The following ADGRV1 variants were observed in gnomAD, a reference collection of about 807,000 sequenced individuals.
The protein encoded by ADGRV1 is G-protein coupled receptor 98.
A neutral mutation model predicts 596.2 loss-of-function variants in ADGRV1; 359 were observed. The observed-to-expected ratio is 0.60, with a 90% CI of 0.55 to 0.66. ADGRV1 has a LOEUF of 0.66. ADGRV1 is among the 30% of genes least tolerant of loss of function. The pLI is 0.00. For synonymous variants in ADGRV1, 2,681 were observed against 2,679.2 expected, an observed-to-expected ratio of 1.00 and a Z score of -0.02; for missense variants, 7,274 against 7,575.6, an observed-to-expected ratio of 0.96 and a Z score of 1.48.
At chr5:91,087,696 G>A (rs1382984350) in intron 86 of ADGRV1, among the ~76,000 whole-genome samples, 1 of 152,118 alleles carries the variant, frequency 6.6e-6, no homozygotes, top group Non-Finnish European at 1.5e-5. Flanking sequence ...AGTTTATCTG[G>A]AACTGTTCGA....
intron 82 of ADGRV1, among the ~76,000 whole-genome samples, chr5:90,861,142 G>A (rs1319539849): frequency 1.3e-5 from 2 of 151,772 alleles, no homozygotes; most frequent in African/African-American, 4.8e-5. Context: ...AATCCACATA[G>A]TGGTAGGAAA....
At chr5:90,667,406 C>T (rs530522448) in intron 21 of ADGRV1, among the ~76,000 whole-genome samples, 47 of 147,514 alleles carry the variant, frequency 3.2e-4, no homozygotes, top group African/African-American at 1.1e-3. Context: ...ATTGCATCAG[C>T]TCCTGAGGCT....
intron 83 of ADGRV1, among the ~76,000 whole-genome samples, chr5:90,961,222 C>A (rs780768967): frequency 2.0e-5 from 3 of 151,994 alleles, no homozygotes; most frequent in Admixed American, 2.0e-4. Context: ...TAGTTTTGGC[C>A]GCGCGCAGCG....
chr5:90,802,334 G>T (rs1390387879), intron 70 of ADGRV1, among the ~76,000 whole-genome samples: 2 of 152,142 alleles, frequency 1.3e-5, no homozygotes, highest in African/African-American at 4.8e-5. Flanking sequence ...TCCTGCCTCA[G>T]CCTCCCAAGT....
At chr5:90,651,054 C>T (rs975412411) in intron 17 of ADGRV1, among the ~76,000 whole-genome samples, 8 of 152,084 alleles carry the variant, frequency 5.3e-5, no homozygotes. Context: ...GGAATCAAGC[C>T]CAAACCATGG....
chr5:91,038,650 C>T (rs1301849136), intron 85 of ADGRV1, among the ~76,000 whole-genome samples: 2 of 152,160 alleles, frequency 1.3e-5, no homozygotes, highest in Non-Finnish European at 2.9e-5. Context: ...AATTAACTAG[C>T]CTCTTGGGGA....
intron 14 of ADGRV1, among the ~76,000 whole-genome samples, chr5:90,644,261 G>T (rs1393721229): frequency 1.3e-5 from 2 of 152,160 alleles, no homozygotes; most frequent in Non-Finnish European, 2.9e-5. Flanking sequence ...CAAATAGCGA[G>T]AACCTTAAAA....
intron 29 of ADGRV1, among the ~76,000 whole-genome samples, chr5:90,687,407 T>A (rs548986887): frequency 1.1e-3 from 170 of 152,276 alleles, no homozygotes; most frequent in African/African-American, 3.4e-3. Context: ...AAGGAAGGGA[T>A]CCAGTTTCAG....
In ADGRV1 at chr5:90,755,087, A is replaced by G. The variant is rs1207388118; in HGVS notation, c.11482A>G (p.Asn3828Asp). ...AQPNFLLHVD[N>D]QATENEDYVL... ...ACCCAATTTCTTACTGCATGTCGAT[A>G]ATCAAGCTACTGAGAATGAAGATTA... The change falls in exon 55 of 90, where the codon AAT becomes GAT. Residue 3828 changes from asparagine (N) to aspartate (D), a missense_variant. Asn to Asp is a conservative substitution (Grantham distance 23). Around this residue, in one of 5 missense-constraint regions of ADGRV1, gnomAD observed 3,643 missense variants for 3,809.2 expected, o/e 0.96. Transcript: ENST00000405460. 9.3e-6 allele frequency: 15 copies of G among 1,610,462 alleles called. No individual in the cohort carries two copies. The highest frequency in any genetic ancestry group is 1.3e-5 in the Non-Finnish European group (15 of 1,176,786).
intron 87 of ADGRV1, among the ~76,000 whole-genome samples, chr5:91,108,314 C>T (rs554949415): frequency 3.3e-5 from 5 of 152,104 alleles, no homozygotes; most frequent in African/African-American, 7.2e-5. Context: ...TTTTACCCCC[C>T]GAATGGCTTT....
rs60957930 is a variant in ADGRV1 at position 91,104,860 on chromosome 5, CTT to C, written c.18432+2536_18432+2537del. Among the ~76,000 whole-genome samples, 72 of 125,980 alleles carry C rather than the reference CTT, an allele frequency of 5.7e-4. 1 individual carries two copies. The highest frequency in any genetic ancestry group is 1.8e-4 in the Non-Finnish European group (11 of 61,958). The allele number at this position is 125,980 out of a possible 152,430, so 82.6% of individuals were successfully genotyped here. A position where few individuals can be genotyped will look rare whatever the true frequency, so the allele number is the denominator to read the frequency against. On this transcript the variant is annotated intron_variant, in intron 87 of 89. Transcript: ENST00000405460. ...CCTTTTCTTTTCTTTCTTTTCTTTT[CTT>C]TTTTTTTTTTTTTTTGAGACAGAGT... is the stretch of plus-strand genomic sequence containing the variant.
rs1306117578 is a variant in ADGRV1 at position 90,750,713 on chromosome 5, A to G, written c.11121+16A>G. Reference sequence around the variant, plus strand: ...CTCAGGAGTGGTATGTAATTTACAAAGTTATAGGAAACACTTTTAAATTAT... The same window carrying G: ...CTCAGGAGTGGTATGTAATTTACAAGGTTATAGGAAACACTTTTAAATTAT... On this transcript the variant is annotated intron_variant, in intron 53 of 89. Transcript: ENST00000405460. 1.4e-5 allele frequency: 23 copies of G among 1,599,722 alleles called. No individual in the cohort carries two copies. Among genetic ancestry groups the G allele is most frequent in the Non-Finnish European group, 1.9e-5 (22 of 1,168,358 alleles).
At position 90,917,458 on chromosome 5, in the gene ADGRV1, T is replaced by C. The variant is rs139150631; in HGVS notation, c.17857-47957T>C. Reference sequence around the variant, plus strand: ...TCAAGAATGGATAAAAATTAACTACTACAGCTTGTGCCAACCATGTGCTAG... The same window carrying C: ...TCAAGAATGGATAAAAATTAACTACCACAGCTTGTGCCAACCATGTGCTAG... On this transcript the variant is annotated intron_variant, in intron 83 of 89. Coordinates refer to ENST00000405460, the MANE Select transcript of ADGRV1 (RefSeq NM_032119.4). 3.5e-3 allele frequency among the ~76,000 whole-genome samples: 534 copies of C among 152,316 alleles called. 3 individuals are homozygous for C. Among genetic ancestry groups the C allele is most frequent in the African/African-American group, 0.012 (513 of 41,552 alleles).
intron 85 of ADGRV1, among the ~76,000 whole-genome samples, chr5:91,055,439 G>A (rs1204071453): frequency 6.6e-6 from 1 of 152,050 alleles, no homozygotes; most frequent in Non-Finnish European, 1.5e-5. Flanking sequence ...CTTATCACAT[G>A]CTAGGTATAT....
chr5:90,862,331 G>C (rs1767677951), intron 82 of ADGRV1, among the ~76,000 whole-genome samples: 1 of 148,218 alleles, frequency 6.7e-6, no homozygotes, highest in Admixed American at 6.9e-5. Context: ...ACCTTGCAAG[G>C]CTTGCTTTAA....
intron 83 of ADGRV1, among the ~76,000 whole-genome samples, chr5:90,923,684 G>A (rs1441129301): frequency 1.3e-5 from 2 of 152,044 alleles, no homozygotes; most frequent in Non-Finnish European, 2.9e-5. Context: ...CATCGTGCAG[G>A]TTAGTTACAT....
At chr5:91,104,183 CA>C (rs1051132377) in intron 87 of ADGRV1, among the ~76,000 whole-genome samples, 37 of 151,958 alleles carry the variant, frequency 2.4e-4, no homozygotes, top group Middle Eastern at 3.4e-3. Context: ...AAAAAAAGAG[CA>C]GCTCTAAGTA....
intron 39 of ADGRV1, among the ~76,000 whole-genome samples, chr5:90,710,530 T>C (rs1165273247): frequency 6.6e-6 from 1 of 152,220 alleles, no homozygotes; most frequent in East Asian, 1.9e-4. Context: ...TCCATGTCTC[T>C]CTGTGTCTCT....
intron 86 of ADGRV1, among the ~76,000 whole-genome samples, chr5:91,093,391 C>T (rs558643773): frequency 1.3e-5 from 2 of 152,330 alleles, no homozygotes; most frequent in South Asian, 2.1e-4. Context: ...CTTGTACTTT[C>T]GAAGTCCAGG....
Sources: allele counts gnomAD v4.1 joint callset (sites outside exome capture counted in the v4.1 genomes callset), GRCh38; gene constraint gnomAD v4.1.1; regional missense constraint gnomAD v4.1.1; transcripts MANE v1.5; gene names NCBI Gene and HGNC (gene_info 2026-07-23, HGNC 2026-07-21).